The following EP400 variants were observed in gnomAD, a reference collection of about 807,000 sequenced individuals.
EP400 encodes E1A-binding protein p400.
A neutral mutation model predicts 354.1 loss-of-function variants in EP400; 105 were observed. The observed-to-expected ratio is 0.30, with a 90% confidence interval of 0.25 to 0.35. The LOEUF is 0.35. Ranked by LOEUF, EP400 falls within the 10% of genes least tolerant of loss-of-function variation. EP400 has a pLI of 1.00. For synonymous variants in EP400, 1,646 were observed against 1,716.9 expected (o/e 0.96, Z 1.02); for missense variants, 3,280 against 4,121.0 (o/e 0.80, Z 5.59).
intron 30 of EP400, among the ~76,000 whole-genome samples, chr12:132,035,305 ATG>A (rs1894656965): frequency 6.6e-6 from 1 of 152,172 alleles, no homozygotes; most frequent in Non-Finnish European, 1.5e-5. Flanking sequence ...CTATCTAAGG[ATG>A]TGTGTCGCAG....
rs376459695 is a variant in EP400 at position 131,989,968 on chromosome 12, T to G, written c.2414T>G (p.Val805Gly). The G allele has an allele frequency of 1.2e-5, 19 of 1,613,756 alleles. No homozygotes were observed. The African/African-American group carries it at 2.4e-4, about 20-fold the overall frequency. Residue 805 changes from valine (V) to glycine (G), a missense_variant, in exon 8 of 53, where the codon GTT becomes GGT. This residue lies in a region of EP400 where 800 missense variants were observed against 840.0 expected (regional missense o/e 0.95). Coordinates refer to ENST00000389561, the MANE Select transcript of EP400 (RefSeq NM_015409.5). ...RWKVAAAKKL[V>G]RTVVRHHEEK... ...TCTTGCACTTTTATTCACCAGCTCG[T>G]TAGAACTGTGGTGCGCCATCACGAG...
chr12:132,043,639 G>T lies in EP400; in HGVS notation c.6367-6G>T. ...ACCCTATTCAAAAAATATACTTTTG[G>T]AACAGCTTACACCAATTGAAAAATA... On this transcript the variant is annotated splice_polypyrimidine_tract_variant and splice_region_variant and intron_variant, in intron 33 of 52. Transcript: ENST00000389561. The T allele has an allele frequency of 3.1e-6, 5 of 1,602,866 alleles. No homozygotes were observed. The highest frequency in any genetic ancestry group is 1.1e-5 in the South Asian group (1 of 87,630).
At chr12:131,962,019 GAATTAAGT>G in intron 2 of EP400, 65 bp downstream of exon 2, 1 of 1,483,954 alleles carries the variant, frequency 6.7e-7, no homozygotes, top group Non-Finnish European at 9.0e-7. Context: ...ATGCGACAAT[GAATTAAGT>G]AATAATTTAT....
At chr12:131,997,494 G>A (rs1418080082) in intron 12 of EP400, among the ~76,000 whole-genome samples, 4 of 152,034 alleles carry the variant, frequency 2.6e-5, no homozygotes, top group Admixed American at 6.6e-5. Context: ...GGGCTCAAGC[G>A]AGCCTCCCAT....
rs1473525521 is a variant in EP400 at position 132,025,007 on chromosome 12, G to C, written c.4856-639G>C. Among the ~76,000 whole-genome samples, 1 of 151,954 alleles carries C rather than the reference G, an allele frequency of 6.6e-6. No homozygotes were observed. The highest frequency in any genetic ancestry group is 1.5e-5 in the Non-Finnish European group (1 of 68,010). ...TTAGAGAGACACACACGTCTCAGCAGAACAAGGCCTGCCACAGAGAAACGA... is the reference window on the plus strand; with the variant it reads ...TTAGAGAGACACACACGTCTCAGCACAACAAGGCCTGCCACAGAGAAACGA... On this transcript the variant is annotated intron_variant, in intron 24 of 52. Transcript: ENST00000389561. The surrounding 1 kb of genome is among the most constrained non-coding windows in gnomAD (Gnocchi z 4.1).
intron 51 of EP400, among the ~76,000 whole-genome samples, chr12:132,073,495 C>T (rs1461153375): frequency 1.7e-5 from 2 of 118,542 alleles, no homozygotes; most frequent in Non-Finnish European, 3.2e-5. Flanking sequence ...GCTCCATCGC[C>T]TAGGCTGGAG....
chr12:132,043,559 C>A, intron 33 of EP400, 86 bp from the exon 34 acceptor site: 2 of 1,576,366 alleles, frequency 1.3e-6, no homozygotes, highest in South Asian at 2.3e-5. Flanking sequence ...CTTTTTGATT[C>A]AAATGTTGGT....
chr12:132,062,056 A>C, intron 45 of EP400, 54 bp from the exon 46 acceptor site: 8 of 1,516,866 alleles, frequency 5.3e-6, no homozygotes, highest in Non-Finnish European at 6.3e-6. Flanking sequence ...GAGTGTGAAC[A>C]GCCCTGAGTG....
At chr12:131,992,939 G>A (rs535747034) in intron 11 of EP400, among the ~76,000 whole-genome samples, 1 of 152,322 alleles carries the variant, frequency 6.6e-6, no homozygotes, top group African/African-American at 2.4e-5. Flanking sequence ...ATTGATCTTT[G>A]CTATGTGTTG....
intron 15 of EP400, 44 bp from the exon 16 acceptor site, chr12:132,011,454 T>G: frequency 6.2e-7 from 1 of 1,610,506 alleles, no homozygotes; most frequent in Non-Finnish European, 8.5e-7. Context: ...TGCCTGGACA[T>G]GACAGATACT....
intron 15 of EP400, among the ~76,000 whole-genome samples, chr12:132,007,440 T>G (rs746528100): frequency 6.6e-6 from 1 of 151,848 alleles, no homozygotes; most frequent in Non-Finnish European, 1.5e-5. Flanking sequence ...CTCTTCACCC[T>G]CCTGACACTT....
At chr12:132,055,498 G>A (rs1420348238) in intron 45 of EP400, among the ~76,000 whole-genome samples, 1 of 140,802 alleles carries the variant, frequency 7.1e-6, no homozygotes, top group Non-Finnish European at 1.6e-5. Context: ...TGTGTGAGGT[G>A]TAGGTGTGTG....
chr12:131,971,406 A>C (rs1892284421), intron 2 of EP400, among the ~76,000 whole-genome samples: 1 of 152,194 alleles, frequency 6.6e-6, no homozygotes. Flanking sequence ...GGTTGTTTTC[A>C]TAGCTTGGCT....
In EP400 at chr12:131,994,706, T is replaced by A. The variant is rs1042292555; in HGVS notation, c.2738-161T>A. Among the ~76,000 whole-genome samples, 1 of 152,196 alleles carries A rather than the reference T, an allele frequency of 6.6e-6. No homozygotes were observed. Among genetic ancestry groups the A allele is most frequent in the Non-Finnish European group, 1.5e-5 (1 of 68,022 alleles). On this transcript the variant is annotated intron_variant, in intron 11 of 52. Transcript: ENST00000389561. This position sits in a 1 kb window ranked among gnomAD's most constrained non-coding sequence, Gnocchi z 4.6. ...GTGGAAGGGGAAATACACTTCCAGTTTCCTGCCCATTTAATTAAATTTAAC... is the reference window on the plus strand; with the variant it reads ...GTGGAAGGGGAAATACACTTCCAGTATCCTGCCCATTTAATTAAATTTAAC...
At chr12:132,004,801 T>G (rs1257283256) in intron 12 of EP400, among the ~76,000 whole-genome samples, 1 of 152,240 alleles carries the variant, frequency 6.6e-6, no homozygotes, top group African/African-American at 2.4e-5. Flanking sequence ...TTGCACCTAC[T>G]AAGTAATTTC....
chr12:132,066,127 A>G (rs185888876), intron 48 of EP400: 1 of 152,316 alleles, frequency 6.6e-6, no homozygotes, highest in Non-Finnish European at 1.5e-5. Context: ...AGAGAAACAG[A>G]TTTCAAAATA....
At chr12:132,024,590 A>C (rs888654693) in intron 24 of EP400, among the ~76,000 whole-genome samples, 1 of 152,176 alleles carries the variant, frequency 6.6e-6, no homozygotes, top group Non-Finnish European at 1.5e-5. Context: ...GAGGGAGAGG[A>C]ATTGAGTGGC....
chr12:131,982,001 C>G (rs1892697049), intron 4 of EP400, 92 bp from the exon 5 acceptor site: 1 of 1,453,114 alleles, frequency 6.9e-7, no homozygotes, highest in Non-Finnish European at 9.1e-7. Context: ...CTTGGACAAG[C>G]ACTGGGGTGT....
rs12317704 is a variant in EP400 at position 132,077,746 on chromosome 12, T to C, written c.*73T>C. On this transcript the variant is annotated 3_prime_UTR_variant, in exon 53 of 53. Coordinates refer to ENST00000389561, the MANE Select transcript of EP400 (RefSeq NM_015409.5). ...ACAGAAAACGCTTTATTAGTGAACC[T>C]TGGGACCATGTCACGCAAGAGATTC... 108,851 of 1,459,880 alleles carry C rather than the reference T, an allele frequency of 0.075. 6,034 individuals are homozygous for C. The highest frequency in any genetic ancestry group is 0.27 in the African/African-American group (19,230 of 70,390). 90.4% of individuals were successfully genotyped at this position (1,459,880 alleles called of 1,614,324 possible).
Sources: gnomAD v4.1 joint callset for allele counts (sites outside exome capture counted in the v4.1 genomes callset) on GRCh38, gnomAD v4.1.1 for gene constraint, gnomAD v4.1.1 regional missense constraint, Gnocchi (gnomAD v3.1) non-coding constraint, MANE v1.5 for transcripts, NCBI Gene and HGNC (gene_info 2026-07-23, HGNC 2026-07-21) for gene names.